PAAF1: variants seen among roughly 807,000 people sequenced by gnomAD.
PAAF1 encodes proteasomal ATPase-associated factor 1.
A neutral mutation model predicts 52.8 loss-of-function variants in PAAF1; 46 were observed. That is an observed-to-expected ratio of 0.87 (90% confidence interval 0.69 to 1.11). PAAF1 has a LOEUF of 1.11. PAAF1 is among the 50% of genes most tolerant of loss of function. The probability of loss-of-function intolerance (pLI) is 0.00; values close to 1 mark genes in which losing one functional copy is unlikely to be tolerated. For missense variants in PAAF1, 424 were observed against 477.4 expected, an observed-to-expected ratio of 0.89 and a Z score of 1.04; for synonymous variants, 178 against 172.8, an observed-to-expected ratio of 1.03 and a Z score of -0.24.
At chr11:73,911,899 G>A (rs1308779802) in intron 7 of PAAF1, among the ~76,000 whole-genome samples, 1 of 151,930 alleles carries the variant, frequency 6.6e-6, no homozygotes, top group African/African-American at 2.4e-5. Flanking sequence ...CTCCCAAAGT[G>A]CTGGGCTTAC....
At chr11:73,916,494 TG>T (rs769239456) in intron 8 of PAAF1, 50 bp from the exon 9 acceptor site, 31 of 1,264,166 alleles carry the variant, frequency 2.5e-5, no homozygotes, top group Non-Finnish European at 3.4e-5. Context: ...TGTTTATTCT[TG>T]GAAACAAATT....
intron 6 of PAAF1, among the ~76,000 whole-genome samples, chr11:73,903,477 G>A (rs907993830): frequency 6.6e-6 from 1 of 152,308 alleles, no homozygotes; most frequent in South Asian, 2.1e-4. Flanking sequence ...AGCACTTTGG[G>A]AGGCCGAGGC....
chr11:73,888,199 TATCTC>T (rs1291610796), intron 3 of PAAF1, among the ~76,000 whole-genome samples: 9 of 152,250 alleles, frequency 5.9e-5, no homozygotes, highest in Non-Finnish European at 1.3e-4. Flanking sequence ...TTTTACAGCT[TATCTC>T]AGCTCAGACT....
chr11:73,876,965 CG>C (rs1948757379), upstream of PAAF1: 2 of 1,480,452 alleles, frequency 1.4e-6, no homozygotes, highest in Non-Finnish European at 1.8e-6. Context: ...GCACGCTTCT[CG>C]GGGACTCACT....
upstream of PAAF1, chr11:73,876,966 G>C: frequency 6.7e-7 from 1 of 1,481,900 alleles, no homozygotes; most frequent in Non-Finnish European, 9.0e-7. Flanking sequence ...CACGCTTCTC[G>C]GGGACTCACT....
chr11:73,881,833 AG>A (rs1948916945), intron 2 of PAAF1, among the ~76,000 whole-genome samples: 1 of 151,938 alleles, frequency 6.6e-6, no homozygotes, highest in Admixed American at 6.6e-5. Flanking sequence ...CAGCCTCCCA[AG>A]TAGCTAGGAC....
At chr11:73,897,088 G>A (rs1381214307) in intron 4 of PAAF1, among the ~76,000 whole-genome samples, 16 of 142,434 alleles carry the variant, frequency 1.1e-4, no homozygotes, top group Non-Finnish European at 2.3e-4. Context: ...CAGACGGGGC[G>A]GCTGGCCGGG....
At chr11:73,886,629 C>T (rs1417337421) in intron 2 of PAAF1, among the ~76,000 whole-genome samples, 5 of 140,414 alleles carry the variant, frequency 3.6e-5, no homozygotes, top group Non-Finnish European at 7.5e-5. Context: ...GCTGAGATCA[C>T]GCCACTGCAC....
Position 73,927,272 on chromosome 11 carries a change from T to A in PAAF1, c.1102-13T>A. 3 of 1,608,736 alleles carry A rather than the reference T, an allele frequency of 1.9e-6. No homozygotes were observed. The South Asian group carries it at 3.3e-5, about 18-fold the overall frequency. Reference sequence around the variant, plus strand: ...CCCAGGCTTCCTTTGAACTGTGAATTCTTGTGTTTTAGGTAGCCACATGGG... The same window carrying A: ...CCCAGGCTTCCTTTGAACTGTGAATACTTGTGTTTTAGGTAGCCACATGGG... On this transcript the variant is annotated splice_polypyrimidine_tract_variant and intron_variant, in intron 11 of 11. Coordinates refer to ENST00000310571, the MANE Select transcript of PAAF1 (RefSeq NM_025155.3).
At chr11:73,880,701 A>G (rs1339278675) in intron 2 of PAAF1, 3 of 133,428 alleles carry the variant, frequency 2.2e-5, no homozygotes, top group Non-Finnish European at 4.9e-5. Context: ...AAAAAAAAAA[A>G]AAAAAAAAAA....
intron 3 of PAAF1, among the ~76,000 whole-genome samples, chr11:73,890,764 C>A (rs1028279167): frequency 6.6e-6 from 1 of 152,232 alleles, no homozygotes; most frequent in Non-Finnish European, 1.5e-5. Context: ...GTTCCTTGCC[C>A]CACTGCTAAT....
intron 10 of PAAF1, chr11:73,922,261 G>A (rs1950239745): frequency 1.7e-6 from 1 of 586,636 alleles, no homozygotes; most frequent in Non-Finnish European, 3.2e-6. Context: ...CTGCTGGGAA[G>A]AAGGCAAGGC....
In PAAF1 at chr11:73,890,538, C is replaced by G. The variant is rs564941645; in HGVS notation, c.193-574C>G. Among the ~76,000 whole-genome samples the G allele has an allele frequency of 5.3e-5, 8 of 152,282 alleles. No individual in the cohort carries two copies. The East Asian group carries it at 1.4e-3, about 26-fold the overall frequency. On this transcript the variant is annotated intron_variant, in intron 3 of 11. Coordinates refer to ENST00000310571, the MANE Select transcript of PAAF1 (RefSeq NM_025155.3). ...TTAAGTCTTAGGAGGGAATAGGCAC[C>G]GTAAGCCTGACCCAGGCCTACATAT...
At chr11:73,882,312 T>C (rs1472408756) in intron 2 of PAAF1, among the ~76,000 whole-genome samples, 3 of 85,408 alleles carry the variant, frequency 3.5e-5, no homozygotes, top group African/African-American at 1.9e-4. Context: ...GTGCCTGCAC[T>C]TTTTTTTTTT....
At chr11:73,898,164 G>T (rs189225733) in intron 4 of PAAF1, among the ~76,000 whole-genome samples, 1 of 147,162 alleles carries the variant, frequency 6.8e-6, no homozygotes, top group Non-Finnish European at 1.5e-5. Flanking sequence ...GAGGGAGACC[G>T]TGGAAAGAGA....
At chr11:73,878,203 G>C (rs919772769) in intron 1 of PAAF1, among the ~76,000 whole-genome samples, 2 of 152,212 alleles carry the variant, frequency 1.3e-5, no homozygotes, top group Non-Finnish European at 2.9e-5. Flanking sequence ...ATAACATGAA[G>C]TGCCACTAGC....
rs2135143287 is a variant in PAAF1 at position 73,889,496 on chromosome 11, T to C, written c.193-1616T>C. 1.3e-5 allele frequency among the ~76,000 whole-genome samples: 2 copies of C among 152,360 alleles called. 1 individual carries two copies. The highest frequency in any genetic ancestry group is 4.1e-4 in the South Asian group (2 of 4,834). On this transcript the variant is annotated intron_variant, in intron 3 of 11. Coordinates refer to ENST00000310571, the MANE Select transcript of PAAF1 (RefSeq NM_025155.3). ...TAAAATATTTTCATTAACAGCATGATTGTCCACTGCTAATGTTGGAAGATA... is the reference window on the plus strand; with the variant it reads ...TAAAATATTTTCATTAACAGCATGACTGTCCACTGCTAATGTTGGAAGATA...
Position 73,878,806 on chromosome 11 carries a change from C to T in PAAF1, c.75C>T (p.Ser25=). Residue 25 remains serine, a synonymous_variant, in exon 2 of 12, where the codon AGC becomes AGT. Transcript: ENST00000310571. ...LRKDEGEAWL[S]CHPPGKPSLY... is the part of the protein sequence containing the mutation. The stretch of plus-strand genomic sequence containing the variant: ...AGGATGAAGGGGAGGCCTGGCTGAG[C>T]TGTCATCCCCCAGGTAATACCCATG... 6.2e-7 allele frequency: 1 copy of T among 1,613,810 alleles called. No homozygotes were observed.
intron 2 of PAAF1, among the ~76,000 whole-genome samples, chr11:73,883,575 A>G (rs1948977520): frequency 1.3e-5 from 2 of 151,850 alleles, no homozygotes; most frequent in South Asian, 4.2e-4. Context: ...GTATAGTGGC[A>G]CAATCTCGGC....
Sources: gnomAD v4.1 joint callset for allele counts (sites outside exome capture counted in the v4.1 genomes callset) on GRCh38, gnomAD v4.1.1 for gene constraint, MANE v1.5 for transcripts, NCBI Gene and HGNC (gene_info 2026-07-23, HGNC 2026-07-21) for gene names.